The following SORCS2 variants were observed in gnomAD, a reference collection of about 807,000 sequenced individuals.
SORCS2 encodes sortilin related VPS10 domain containing receptor 2, also known as VPS10 domain-containing receptor SorCS2.
In SORCS2, 100 loss-of-function variants were observed where a neutral mutation model predicts 141.6. That is an observed-to-expected ratio of 0.71 (90% confidence interval 0.60 to 0.83). The LOEUF (loss-of-function observed/expected upper bound fraction) is 0.83. Among genes scored for constraint, SORCS2 ranks in the 40% least tolerant of loss-of-function variants. SORCS2 has a pLI of 0.00. For missense variants in SORCS2, 1,646 were observed against 1,560.2 expected (o/e 1.05, Z -0.93); for synonymous variants, 789 against 676.9 (o/e 1.17, Z -2.57).
At chr4:7,696,972 C>T (rs1340878274) in intron 11 of SORCS2, among the ~76,000 whole-genome samples, 2 of 152,208 alleles carry the variant, frequency 1.3e-5, no homozygotes, top group East Asian at 3.9e-4. Flanking sequence ...CTGTCCCGGG[C>T]CTCTGCTGGA....
chr4:7,390,275 T>A (rs1204029278), intron 1 of SORCS2, among the ~76,000 whole-genome samples: 1 of 152,232 alleles, frequency 6.6e-6, no homozygotes, highest in Non-Finnish European at 1.5e-5. Flanking sequence ...GGCCTGAGTC[T>A]GTCTGTCTTT....
intron 1 of SORCS2, among the ~76,000 whole-genome samples, chr4:7,272,397 A>G (rs1212703919): frequency 6.6e-6 from 1 of 152,214 alleles, no homozygotes; most frequent in Admixed American, 6.5e-5. Flanking sequence ...CTCTGATTTT[A>G]GAGATGTTAA....
chr4:7,343,961 G>T (rs1394394406), intron 1 of SORCS2, among the ~76,000 whole-genome samples: 1 of 152,208 alleles, frequency 6.6e-6, no homozygotes, highest in East Asian at 1.9e-4. Context: ...CCCCTGTAAG[G>T]CGTGGCCATG....
intron 2 of SORCS2, among the ~76,000 whole-genome samples, chr4:7,406,083 G>GATGTGGT: frequency 6.6e-6 from 1 of 151,944 alleles, no homozygotes; most frequent in Non-Finnish European, 1.5e-5. Context: ...TTGTATCCTT[G>GATGTGGT]GTACAAAATC....
rs955699970 is a variant in SORCS2 at position 7,641,756 on chromosome 4, T to C, written c.813+3264T>C. Among the ~76,000 whole-genome samples, 17 of 149,126 alleles carry C rather than the reference T, an allele frequency of 1.1e-4. No individual in the cohort carries two copies. In the East Asian group the frequency reaches 3.2e-3, roughly 28 times the overall value. The stretch of plus-strand genomic sequence containing the variant: ...ATGAATAAATGGATGAATAGATGTA[T>C]AGATGATGGATGGATGGATAAATGG... On this transcript the variant is annotated intron_variant, in intron 4 of 26. Coordinates refer to ENST00000507866, the MANE Select transcript of SORCS2 (RefSeq NM_020777.3).
intron 11 of SORCS2, among the ~76,000 whole-genome samples, chr4:7,695,559 GATGC>G (rs1327986634): frequency 0.062 from 393 of 6,390 alleles, 29 homozygotes; most frequent in Middle Eastern, 0.1. Context: ...TGGATGGATG[GATGC>G]ATGGATGGAT....
chr4:7,208,925 G>A (rs192606580), intron 1 of SORCS2, among the ~76,000 whole-genome samples: 4 of 152,296 alleles, frequency 2.6e-5, no homozygotes, highest in East Asian at 1.9e-4. Flanking sequence ...GGTGGGCAGC[G>A]TGTGGAGGGC....
chr4:7,483,509 G>A (rs760113089), intron 2 of SORCS2, among the ~76,000 whole-genome samples: 2 of 152,138 alleles, frequency 1.3e-5, no homozygotes, highest in African/African-American at 4.8e-5. Context: ...TTGACGCCTC[G>A]ATTTGGGACT....
chr4:7,646,144 A>G (rs528905107), intron 4 of SORCS2, among the ~76,000 whole-genome samples: 1 of 152,372 alleles, frequency 6.6e-6, no homozygotes, highest in African/African-American at 2.4e-5. Flanking sequence ...TGAGCGGCTT[A>G]GCCGAGGAGC....
intron 1 of SORCS2, among the ~76,000 whole-genome samples, chr4:7,317,480 C>T (rs543989857): frequency 6.6e-6 from 1 of 152,334 alleles, no homozygotes; most frequent in Non-Finnish European, 1.5e-5. Context: ...CCCCTCTGGG[C>T]GGGCCTGCCA....
At position 7,313,899 on chromosome 4, in the gene SORCS2, T is replaced by C. The variant is rs116820611; in HGVS notation, c.481-82389T>C. ...TGTTCCCTTAGCCTGGGAGGCCCTG[T>C]CCCATTGAGGGCAGGAGTGGTGGCA... On this transcript the variant is annotated intron_variant, in intron 1 of 26. Coordinates refer to ENST00000507866, the MANE Select transcript of SORCS2 (RefSeq NM_020777.3). 5.1e-3 allele frequency among the ~76,000 whole-genome samples: 770 copies of C among 152,258 alleles called. 6 individuals are homozygous for C. The highest frequency in any genetic ancestry group is 0.017 in the African/African-American group (709 of 41,530).
chr4:7,462,849 C>T (rs567579118), intron 2 of SORCS2, among the ~76,000 whole-genome samples: 19 of 149,886 alleles, frequency 1.3e-4, no homozygotes, highest in Admixed American at 4.0e-4. Flanking sequence ...CCAGAGGGAG[C>T]GCTCACAACA....
At chr4:7,450,402 C>T (rs1728359796) in intron 2 of SORCS2, among the ~76,000 whole-genome samples, 1 of 152,224 alleles carries the variant, frequency 6.6e-6, no homozygotes, top group Non-Finnish European at 1.5e-5. Context: ...CCAGGTCCTC[C>T]AGAAGTTGTC....
chr4:7,608,590 C>G (rs546314192), intron 3 of SORCS2, among the ~76,000 whole-genome samples: 1 of 152,312 alleles, frequency 6.6e-6, no homozygotes, highest in South Asian at 2.1e-4. Flanking sequence ...AAGAGGTGTT[C>G]AAGATGCTTG....
At chr4:7,630,493 A>T (rs1719816366) in intron 3 of SORCS2, among the ~76,000 whole-genome samples, 2 of 152,372 alleles carry the variant, frequency 1.3e-5, no homozygotes, top group South Asian at 4.1e-4. Context: ...GGACTTGTCC[A>T]AGGCCACATC....
At chr4:7,225,756 C>T (rs1252087544) in intron 1 of SORCS2, among the ~76,000 whole-genome samples, 2 of 152,176 alleles carry the variant, frequency 1.3e-5, no homozygotes, top group Non-Finnish European at 2.9e-5. Flanking sequence ...CTTGTGCTCT[C>T]GGGGCCCCTG....
At chr4:7,284,034 T>A (rs1421606697) in intron 1 of SORCS2, among the ~76,000 whole-genome samples, 1 of 152,132 alleles carries the variant, frequency 6.6e-6, no homozygotes. Context: ...CAGCGTCTGA[T>A]CTGGGGACAC....
intron 2 of SORCS2, among the ~76,000 whole-genome samples, chr4:7,422,368 C>T (rs1226317799): frequency 1.3e-5 from 2 of 152,174 alleles, no homozygotes; most frequent in African/African-American, 4.8e-5. Flanking sequence ...GGATGCCCTG[C>T]CCGCTTCTAC....
At chr4:7,519,980 T>C (rs962045166) in intron 2 of SORCS2, among the ~76,000 whole-genome samples, 1 of 152,212 alleles carries the variant, frequency 6.6e-6, no homozygotes, top group Non-Finnish European at 1.5e-5. Context: ...CCAGGGCTCC[T>C]GCTCTGCCAG....
Sources: gnomAD v4.1 joint callset for allele counts (sites outside exome capture counted in the v4.1 genomes callset) on GRCh38, gnomAD v4.1.1 for gene constraint, MANE v1.5 for transcripts, NCBI Gene and HGNC (gene_info 2026-07-23, HGNC 2026-07-21) for gene names.